ATP1A1: variants seen among roughly 807,000 people sequenced by gnomAD.
The protein encoded by ATP1A1 is sodium/potassium-transporting ATPase subunit alpha-1.
In ATP1A1, 14 loss-of-function variants were observed where a neutral mutation model predicts 114.8. The observed-to-expected ratio is 0.12, with a 90% CI of 0.08 to 0.19. ATP1A1 has a LOEUF of 0.19. Ranked by LOEUF, ATP1A1 falls within the 10% of genes least tolerant of loss-of-function variation. The probability of loss-of-function intolerance (pLI) is 1.00; values close to 1 mark genes in which losing one functional copy is unlikely to be tolerated. For synonymous variants in ATP1A1, 471 were observed against 466.3 expected, an observed-to-expected ratio of 1.01 and a Z score of -0.13; for missense variants, 524 against 1,290.7, an observed-to-expected ratio of 0.41 and a Z score of 9.10.
intron 10 of ATP1A1, among the ~76,000 whole-genome samples, chr1:116,391,819 C>G (rs948655154): frequency 6.6e-6 from 1 of 152,160 alleles, no homozygotes; most frequent in Non-Finnish European, 1.5e-5. Context: ...TCAGGTCCCA[C>G]AAGTATCAAA....
At chr1:116,374,614 T>G (rs1651233878) in intron 1 of ATP1A1, among the ~76,000 whole-genome samples, 1 of 152,170 alleles carries the variant, frequency 6.6e-6, no homozygotes, top group Admixed American at 6.5e-5. Flanking sequence ...CTATTACCCG[T>G]GCAGGAGACT....
In ATP1A1 at chr1:116,388,036, A is replaced by G. The variant is rs893839703; in HGVS notation, c.388-95A>G. On this transcript the variant is annotated intron_variant, in intron 4 of 22. Transcript: ENST00000295598. The surrounding 1 kb of genome is among the most constrained non-coding windows in gnomAD (Gnocchi z 5.6). The stretch of plus-strand genomic sequence containing the variant: ...ATATTTCTGAAATCTTGGTTTCTCT[A>G]TTAAAAATCTGTTTTTTATTCAGTC... The G allele has an allele frequency of 2.8e-5, 22 of 790,498 alleles. No individual in the cohort carries two copies. The Admixed American group carries it at 5.3e-4, about 19-fold the overall frequency. The allele number at this position is 790,498 out of a possible 1,614,324, so 49.0% of individuals were successfully genotyped here. A position where few individuals can be genotyped will look rare whatever the true frequency, so the allele number is the denominator to read the frequency against.
chr1:116,400,593 T>C (rs1390020856), intron 18 of ATP1A1, among the ~76,000 whole-genome samples: 1 of 152,202 alleles, frequency 6.6e-6, no homozygotes, highest in Non-Finnish European at 1.5e-5. Flanking sequence ...GTGGGCATTT[T>C]GAGAGCAAGG....
At position 116,397,230 on chromosome 1, in the gene ATP1A1, T is replaced by G. The variant is rs1217527864; in HGVS notation, c.1973+496T>G. Among the ~76,000 whole-genome samples the G allele has an allele frequency of 6.6e-6, 1 of 152,226 alleles. No homozygotes were observed. Among genetic ancestry groups the G allele is most frequent in the Non-Finnish European group, 1.5e-5 (1 of 68,044 alleles). On this transcript the variant is annotated intron_variant, in intron 14 of 22. Coordinates refer to ENST00000295598, the MANE Select transcript of ATP1A1 (RefSeq NM_000701.8). This position sits in a 1 kb window ranked among gnomAD's most constrained non-coding sequence, Gnocchi z 4.2. ...GTAAAACAGATAATAGCAAATTGGT[T>G]TTGTTTTAAGGTTTAGGGCCCTTTC...
chr1:116,392,937 A>G lies in ATP1A1; in HGVS notation c.1416A>G (p.Glu472=). ...GTGGTTCCGTGAAGGAGATGAGAGAAAGATACGCCAAAATCGTCGAGATAC... is the reference window on the plus strand; with the variant it reads ...GTGGTTCCGTGAAGGAGATGAGAGAGAGATACGCCAAAATCGTCGAGATAC... ...LCCGSVKEMR[E]RYAKIVEIPF... Residue 472 remains glutamate (E), a synonymous_variant, in exon 11 of 23, where the codon GAA becomes GAG. Transcript: ENST00000295598. 1 of 1,614,118 alleles carries G rather than the reference A, an allele frequency of 6.2e-7. No homozygotes were observed. The highest frequency in any genetic ancestry group is 8.5e-7 in the Non-Finnish European group (1 of 1,180,020).
intron 10 of ATP1A1, among the ~76,000 whole-genome samples, chr1:116,391,306 G>A (rs368659142): frequency 2.0e-5 from 3 of 152,304 alleles, no homozygotes; most frequent in East Asian, 3.9e-4. Context: ...GTAGATTCCA[G>A]TAACTCCTTT....
chr1:116,389,588 C>T lies in ATP1A1; in HGVS notation c.904C>T (p.Leu302=), dbSNP rs1652307848. 6.2e-7 allele frequency: 1 copy of T among 1,614,188 alleles called. No homozygotes were observed. Among genetic ancestry groups the T allele is most frequent in the South Asian group, 1.1e-5 (1 of 91,082 alleles). ...IHIITGVAVF[L]GVSFFILSLI... is the part of the protein sequence containing the mutation. Reference sequence around the variant, plus strand: ...CATCATCACGGGTGTGGCTGTGTTCCTGGGTGTGTCTTTCTTCATCCTTTC... The same window carrying T: ...CATCATCACGGGTGTGGCTGTGTTCTTGGGTGTGTCTTTCTTCATCCTTTC... Residue 302 remains leucine (L), a synonymous_variant, in exon 8 of 23, where the codon CTG becomes TTG. Transcript: ENST00000295598. This position sits in a 1 kb window ranked among gnomAD's most constrained non-coding sequence, Gnocchi z 6.9.
At chr1:116,378,922 C>G (rs1410249987) in intron 1 of ATP1A1, among the ~76,000 whole-genome samples, 2 of 152,176 alleles carry the variant, frequency 1.3e-5, no homozygotes, top group African/African-American at 2.4e-5. Flanking sequence ...AAGTTTTAAC[C>G]CTTCATAACC....
Position 116,395,371 on chromosome 1 carries a change from G to C in ATP1A1, c.1836+86G>C, listed in dbSNP as rs1652822194. 1 of 1,453,088 alleles carries C rather than the reference G, an allele frequency of 6.9e-7. No individual in the cohort carries two copies. The allele number at this position is 1,453,088 out of a possible 1,614,324, so 90.0% of individuals were successfully genotyped here. A position where few individuals can be genotyped will look rare whatever the true frequency, so the allele number is the denominator to read the frequency against. The stretch of plus-strand genomic sequence containing the variant: ...AATGTTGCCTTTTGAGGTCCAGATG[G>C]CCAGCTGTTCTATCTCACCTGGAGT... On this transcript the variant is annotated intron_variant, in intron 13 of 22. Coordinates refer to ENST00000295598, the MANE Select transcript of ATP1A1 (RefSeq NM_000701.8). This position sits in a 1 kb window ranked among gnomAD's most constrained non-coding sequence, Gnocchi z 6.4.
chr1:116,386,801 A>T (rs926372864), intron 3 of ATP1A1, among the ~76,000 whole-genome samples: 30 of 152,318 alleles, frequency 2.0e-4, no homozygotes, highest in African/African-American at 7.2e-4. Context: ...CTGTATATTT[A>T]AAACTTGGCT....
At chr1:116,396,539 A>G (rs1205482238) in intron 13 of ATP1A1, 59 bp from the exon 14 acceptor site, 1 of 1,596,164 alleles carries the variant, frequency 6.3e-7, no homozygotes, top group African/African-American at 1.3e-5. Context: ...TACTGGATAT[A>G]AGACTTTAAG....
chr1:116,395,384 T>A lies in ATP1A1; in HGVS notation c.1836+99T>A. The A allele has an allele frequency of 7.6e-7, 1 of 1,323,106 alleles. No individual in the cohort carries two copies. The highest frequency in any genetic ancestry group is 2.4e-5 in the East Asian group (1 of 41,546). 82.0% of individuals were successfully genotyped at this position (1,323,106 alleles called of 1,614,324 possible). ...GAGGTCCAGATGGCCAGCTGTTCTA[T>A]CTCACCTGGAGTATTAATTTCTCAT... On this transcript the variant is annotated intron_variant, in intron 13 of 22. Coordinates refer to ENST00000295598, the MANE Select transcript of ATP1A1 (RefSeq NM_000701.8). The surrounding 1 kb of genome is among the most constrained non-coding windows in gnomAD (Gnocchi z 6.4).
Position 116,393,428 on chromosome 1 carries a change from G to C in ATP1A1, c.1468-103G>C. The C allele has an allele frequency of 7.7e-7, 1 of 1,292,584 alleles. No individual in the cohort carries two copies. Among genetic ancestry groups the C allele is most frequent in the Non-Finnish European group, 1.1e-6 (1 of 940,090 alleles). 80.1% of individuals were successfully genotyped at this position (1,292,584 alleles called of 1,614,324 possible). A position where few individuals can be genotyped will look rare whatever the true frequency, so the allele number is the denominator to read the frequency against. On this transcript the variant is annotated intron_variant, in intron 11 of 22. Coordinates refer to ENST00000295598, the MANE Select transcript of ATP1A1 (RefSeq NM_000701.8). This position sits in a 1 kb window ranked among gnomAD's most constrained non-coding sequence, Gnocchi z 5.0. ...AGAGTTCAGAAAGAAGGGATCTTGG[G>C]TCTTTTATAGCAAATACTAAATAGT...
At chr1:116,373,811 G>A in intron 1 of ATP1A1, 2 of 1,239,418 alleles carry the variant, frequency 1.6e-6, no homozygotes, top group Non-Finnish European at 1.0e-6. Flanking sequence ...CGAGCGGGCC[G>A]GGGGCTCCGA....
rs1226286093 is a variant in ATP1A1 at position 116,385,684 on chromosome 1, C to G, written c.183+842C>G. 6.6e-6 allele frequency: 1 copy of G among 152,122 alleles called. No homozygotes were observed. Among genetic ancestry groups the G allele is most frequent in the East Asian group, 1.9e-4 (1 of 5,180 alleles). 9.4% of individuals were successfully genotyped at this position (152,122 alleles called of 1,614,324 possible). On this transcript the variant is annotated intron_variant, in intron 3 of 22. Transcript: ENST00000295598. This position sits in a 1 kb window ranked among gnomAD's most constrained non-coding sequence, Gnocchi z 4.3. The stretch of plus-strand genomic sequence containing the variant: ...CTCTCCTGCCCTCCTTTTCACCTGT[C>G]GCAAGGCAGGACTCTAATCTTGTTC...
rs2101026265 is a variant in ATP1A1 at position 116,374,121 on chromosome 1, C to T, written c.12+598C>T. 1.9e-6 allele frequency: 3 copies of T among 1,540,712 alleles called. No individual in the cohort carries two copies. The South Asian group carries it at 3.6e-5, about 19-fold the overall frequency. ...CCTGGGGACGCTGGGGCTTAGCTTG[C>T]TCCGCGCAGAGGCGGCCGCCCTCCC... On this transcript the variant is annotated intron_variant, in intron 1 of 22. Coordinates refer to ENST00000295598, the MANE Select transcript of ATP1A1 (RefSeq NM_000701.8).
intron 1 of ATP1A1, chr1:116,373,826 C>A: frequency 9.1e-7 from 1 of 1,094,450 alleles, no homozygotes; most frequent in Admixed American, 6.9e-5. Flanking sequence ...CTCCGAGAGG[C>A]GGTGCTTGGG....
At position 116,399,152 on chromosome 1, in the gene ATP1A1, A is replaced by G. The variant is rs1653214476; in HGVS notation, c.2448+68A>G. 1.3e-6 allele frequency: 2 copies of G among 1,599,684 alleles called. No individual in the cohort carries two copies. Among genetic ancestry groups the G allele is most frequent in the South Asian group, 2.2e-5 (2 of 90,292 alleles). The stretch of plus-strand genomic sequence containing the variant: ...AGCTGTGTCTTCATTCACTGGCACT[A>G]TGCTCCCAGCATCCATGAGGCTGGC... On this transcript the variant is annotated intron_variant, in intron 17 of 22. Transcript: ENST00000295598. This position sits in a 1 kb window ranked among gnomAD's most constrained non-coding sequence, Gnocchi z 5.0.
rs1258171077 is a variant in ATP1A1, at chr1:116,389,448, G to A, written c.764G>A (p.Arg255His). 3.1e-5 allele frequency: 50 copies of A among 1,613,946 alleles called. No individual in the cohort carries two copies. The highest frequency in any genetic ancestry group is 1.1e-4 in the East Asian group (5 of 44,894). The change falls in exon 8 of 23, where the codon CGT becomes CAT. Residue 255 changes from arginine to histidine, a missense_variant. Arg to His is a conservative substitution (Grantham distance 29, BLOSUM62 0). Transcript: ENST00000295598. The surrounding 1 kb of genome is among the most constrained non-coding windows in gnomAD (Gnocchi z 6.9). ...FSTNCVEGTA[R>H]GIVVYTGDRT... ...TCCCCTTCTTTTTAAGGCACCGCAC[G>A]TGGTATTGTTGTCTACACTGGGGAT... is the stretch of plus-strand genomic sequence containing the variant.
Sources: allele counts gnomAD v4.1 joint callset (sites outside exome capture counted in the v4.1 genomes callset), GRCh38; gene constraint gnomAD v4.1.1; non-coding constraint Gnocchi (gnomAD v3.1); transcripts MANE v1.5; gene names NCBI Gene and HGNC (gene_info 2026-07-23, HGNC 2026-07-21).